PTK2: variants seen among roughly 807,000 people sequenced by gnomAD.
PTK2 encodes focal adhesion kinase 1.
Under a neutral mutation model 150.1 loss-of-function variants are expected in PTK2, and 45 were observed. The ratio of observed to expected loss-of-function variants is 0.30; its 90% CI spans 0.24 to 0.38. PTK2 has a LOEUF of 0.38. PTK2 is among the 10% of genes least tolerant of loss of function. The pLI is 1.00. For synonymous variants in PTK2, 432 were observed against 449.2 expected (o/e 0.96, Z 0.48); for missense variants, 919 against 1,307.3 (o/e 0.70, Z 4.58).
chr8:140,969,223 G>C (rs2100186384), intron 1 of PTK2, among the ~76,000 whole-genome samples: 2 of 151,938 alleles, frequency 1.3e-5, no homozygotes, highest in African/African-American at 4.8e-5. Flanking sequence ...AAAAGTCGGG[G>C]ATACAATCCA....
rs371977089 is a variant in PTK2, at chr8:140,950,043, A to ACTCATTGGGATG, written c.-121-24295_-121-24294insCATCCCAATGAG. Among the ~76,000 whole-genome samples the ACTCATTGGGATG allele has an allele frequency of 4.7e-5, 6 of 128,450 alleles. No individual in the cohort carries two copies. In the East Asian group the frequency reaches 7.1e-4, roughly 15 times the overall value. 84.3% of individuals were successfully genotyped at this position (128,450 alleles called of 152,430 possible). On this transcript the variant is annotated intron_variant, in intron 1 of 31. Transcript: ENST00000522684. ...TTGGGTCTCTTCAACTCACCAGGACAACCTGCCTGTGGAAAGGAGCTACCC... is the reference window on the plus strand; with the variant it reads ...TTGGGTCTCTTCAACTCACCAGGACACTCATTGGGATGACCTGCCTGTGGAAAGGAGCTACCC...
intron 2 of PTK2, among the ~76,000 whole-genome samples, chr8:140,912,864 T>G (rs2100163764): frequency 6.6e-6 from 1 of 151,958 alleles, no homozygotes; most frequent in Non-Finnish European, 1.5e-5. Flanking sequence ...GAGAATAGCT[T>G]GAACCTGGGA....
chr8:140,727,534 T>C (rs1445945461), intron 22 of PTK2, among the ~76,000 whole-genome samples: 1 of 151,644 alleles, frequency 6.6e-6, no homozygotes, highest in East Asian at 1.9e-4. Context: ...AGGAGGAATT[T>C]AGACACCACC....
chr8:140,691,034 A>G (rs1252465681), intron 26 of PTK2, among the ~76,000 whole-genome samples: 1 of 152,258 alleles, frequency 6.6e-6, no homozygotes, highest in Non-Finnish European at 1.5e-5. Context: ...GTGCCACACA[A>G]GAGTTAAAAT....
chr8:140,926,137 A>G (rs2100169343), intron 1 of PTK2, among the ~76,000 whole-genome samples: 1 of 152,232 alleles, frequency 6.6e-6, no homozygotes, highest in Non-Finnish European at 1.5e-5. Context: ...CAGTCTGGCT[A>G]CAGAGTCCAT....
intron 1 of PTK2, among the ~76,000 whole-genome samples, chr8:140,999,756 G>A (rs1224514873): frequency 6.6e-6 from 1 of 152,070 alleles, no homozygotes; most frequent in Admixed American, 6.6e-5. Context: ...AAATATTAAG[G>A]TTGAGGCTCT....
chr8:140,935,510 G>A (rs987164733), intron 1 of PTK2, among the ~76,000 whole-genome samples: 2 of 152,056 alleles, frequency 1.3e-5, no homozygotes, highest in Non-Finnish European at 1.5e-5. Context: ...TTAGTACCTC[G>A]CCTGAATATA....
intron 1 of PTK2, among the ~76,000 whole-genome samples, chr8:140,996,986 G>A (rs2100198029): frequency 6.6e-6 from 1 of 152,202 alleles, no homozygotes; most frequent in Admixed American, 6.5e-5. Context: ...ATGCTGGAAA[G>A]GATTCACCAT....
intron 14 of PTK2, among the ~76,000 whole-genome samples, chr8:140,765,570 A>G (rs1439863654): frequency 1.3e-5 from 2 of 152,216 alleles, no homozygotes; most frequent in Non-Finnish European, 2.9e-5. Flanking sequence ...TAAGTCCTAT[A>G]TGACAGGCAG....
At chr8:140,683,134 C>A (rs10100713) in intron 27 of PTK2, among the ~76,000 whole-genome samples, 2,906 of 151,862 alleles carry the variant, frequency 0.019, 97 homozygotes, top group African/African-American at 0.067. Flanking sequence ...GAGAGAAGAT[C>A]GAAAAAAATA....
intron 2 of PTK2, chr8:140,920,901 G>T (rs1387767265): frequency 1.3e-6 from 2 of 1,524,106 alleles, no homozygotes; most frequent in South Asian, 2.4e-5. Flanking sequence ...TGGCCTGCCA[G>T]TTCCAACAAC....
chr8:140,965,955 T>A (rs1397464697), intron 1 of PTK2, among the ~76,000 whole-genome samples: 1 of 152,188 alleles, frequency 6.6e-6, no homozygotes, highest in East Asian at 1.9e-4. Context: ...GGTAAACAAC[T>A]TAAGCACTAT....
rs200747979 is a variant in PTK2 at position 140,775,345 on chromosome 8, C to CGTGGTG, written c.1178-11061_1178-11056dup. On this transcript the variant is annotated intron_variant, in intron 14 of 31. Transcript: ENST00000522684. ...TACAAAAATACAAAAGCTAGTCAGG[C>CGTGGTG]GTGGTGGTGTGTGCTTGTAGTCATA... 1.7e-3 allele frequency among the ~76,000 whole-genome samples: 263 copies of CGTGGTG among 152,058 alleles called. 8 individuals carry two copies. In the East Asian group the frequency reaches 0.044, roughly 26 times the overall value.
chr8:140,872,465 C>T (rs1458872270), intron 4 of PTK2, among the ~76,000 whole-genome samples: 1 of 152,218 alleles, frequency 6.6e-6, no homozygotes. Flanking sequence ...CTGACTCAAG[C>T]TCCTAACAAA....
chr8:140,664,217 C>T (rs1201974002), intron 31 of PTK2, among the ~76,000 whole-genome samples: 8 of 152,152 alleles, frequency 5.3e-5, no homozygotes, highest in Non-Finnish European at 1.0e-4. Context: ...CTCTTGACCT[C>T]GTGATCTGTC....
intron 2 of PTK2, among the ~76,000 whole-genome samples, chr8:140,893,932 T>A (rs906452112): frequency 6.6e-6 from 1 of 152,146 alleles, no homozygotes; most frequent in African/African-American, 2.4e-5. Flanking sequence ...TTCTATAGTA[T>A]GTATAAAGGG....
At chr8:140,675,405 C>A in intron 28 of PTK2, 55 bp downstream of exon 31, 4 of 1,575,844 alleles carry the variant, frequency 2.5e-6, no homozygotes, top group Non-Finnish European at 3.5e-6. Context: ...ACATTCAAAA[C>A]CTGCTTTCAT....
chr8:140,711,210 G>A (rs990907271), intron 23 of PTK2, among the ~76,000 whole-genome samples: 11 of 152,222 alleles, frequency 7.2e-5, no homozygotes, highest in Non-Finnish European at 1.2e-4. Context: ...GAGTTTAAGC[G>A]ATTCTCGTGC....
chr8:140,745,669 AAGTG>A (rs1333010197), intron 18 of PTK2, among the ~76,000 whole-genome samples: 2 of 152,194 alleles, frequency 1.3e-5, no homozygotes, highest in Admixed American at 1.3e-4. Flanking sequence ...ATTCTGGAGA[AAGTG>A]AGAGAGCTAT....
Sources: allele counts gnomAD v4.1 joint callset (sites outside exome capture counted in the v4.1 genomes callset), GRCh38; gene constraint gnomAD v4.1.1; transcripts MANE v1.5; gene names NCBI Gene and HGNC (gene_info 2026-07-23, HGNC 2026-07-21).